SGCD: variants seen among roughly 807,000 people sequenced by gnomAD.
SGCD encodes the protein delta-sarcoglycan.
SGCD carries 18 observed loss-of-function variants against 36.6 expected under a neutral mutation model. The observed-to-expected ratio is 0.49, with a 90% CI of 0.34 to 0.73. The LOEUF (loss-of-function observed/expected upper bound fraction) is 0.73. SGCD is among the 30% of genes least tolerant of loss of function. The pLI, the probability that SGCD is intolerant of heterozygous loss-of-function variation, is 0.01. For synonymous variants in SGCD, 133 were observed against 130.6 expected (o/e 1.02, Z -0.12); for missense variants, 387 against 346.7 (o/e 1.12, Z -0.92).
chr5:156,609,420 A>T (rs1047013830), intron 6 of SGCD, among the ~76,000 whole-genome samples: 2 of 152,138 alleles, frequency 1.3e-5, no homozygotes, highest in African/African-American at 4.8e-5. Context: ...ATCGGCTGTT[A>T]GTCTGATGGG....
chr5:155,930,811 A>T (rs1223560981), intron 1 of SGCD, among the ~76,000 whole-genome samples: 1 of 152,204 alleles, frequency 6.6e-6, no homozygotes, highest in Non-Finnish European at 1.5e-5. Context: ...ACTGTTAAGA[A>T]CCACTAAAAA....
chr5:156,503,052 G>C (rs963104425), intron 3 of SGCD, among the ~76,000 whole-genome samples: 3 of 152,182 alleles, frequency 2.0e-5, no homozygotes, highest in Non-Finnish European at 2.9e-5. Flanking sequence ...ATGGGGATTT[G>C]GCATGTTTGA....
intron 3 of SGCD, among the ~76,000 whole-genome samples, chr5:156,442,607 A>G (rs889994743): frequency 1.3e-5 from 2 of 152,214 alleles, no homozygotes; most frequent in Non-Finnish European, 2.9e-5. Flanking sequence ...AAATATTTCC[A>G]TAGGTTTCCA....
intron 7 of SGCD, among the ~76,000 whole-genome samples, chr5:156,735,616 C>A (rs1385645633): frequency 2.0e-5 from 3 of 152,208 alleles, no homozygotes; most frequent in Non-Finnish European, 4.4e-5. Context: ...TGACAGCCTG[C>A]CCCTCCCCTC....
rs188029055 is a variant in SGCD at position 156,061,701 on chromosome 5, C to T, written c.-281-56177C>T. On this transcript the variant is annotated intron_variant, in intron 1 of 9. Coordinates refer to the SGCD transcript ENST00000517913. ...TTGTTAATTAGGAAGAAATAGAAAA[C>T]TAGGAACAGGAGAAATTTATTCTCA... 6.1e-4 allele frequency among the ~76,000 whole-genome samples: 88 copies of T among 145,402 alleles called. 3 individuals are homozygous for T. Among genetic ancestry groups the T allele is most frequent in the African/African-American group, 2.1e-3 (85 of 40,622 alleles).
intron 3 of SGCD, among the ~76,000 whole-genome samples, chr5:156,188,373 A>C (rs1362932277): frequency 1.3e-5 from 2 of 152,200 alleles, no homozygotes; most frequent in African/African-American, 4.8e-5. Flanking sequence ...TGTGAGAAAA[A>C]TAAAAGTAGA....
At chr5:155,846,184 C>T in the SGCD span, among the ~76,000 whole-genome samples, 3 of 152,104 alleles carry the variant, frequency 2.0e-5, no homozygotes, top group Admixed American at 6.5e-5. Context: ...GAAACCTTAG[C>T]GTATTCGTCT....
intron 2 of SGCD, among the ~76,000 whole-genome samples, chr5:156,344,075 T>C (rs1301976008): frequency 6.6e-6 from 1 of 152,214 alleles, no homozygotes; most frequent in Non-Finnish European, 1.5e-5. Flanking sequence ...ATTGCCTGAA[T>C]AATATTTTTA....
At chr5:155,820,916 C>T in the SGCD span, among the ~76,000 whole-genome samples, 2 of 152,150 alleles carry the variant, frequency 1.3e-5, no homozygotes, top group East Asian at 3.9e-4. Context: ...AGTCTCTGTA[C>T]TTCATAGACC....
intron 7 of SGCD, among the ~76,000 whole-genome samples, chr5:156,755,652 C>T (rs145863874): frequency 6.6e-6 from 1 of 152,156 alleles, no homozygotes; most frequent in Admixed American, 6.5e-5. Context: ...ATGGGCAGAA[C>T]TGCACCTGGT....
intron 3 of SGCD, among the ~76,000 whole-genome samples, chr5:156,398,249 G>A (rs1771968336): frequency 6.6e-6 from 1 of 152,204 alleles, no homozygotes; most frequent in Non-Finnish European, 1.5e-5. Flanking sequence ...AAGAGAAAGT[G>A]CAGTTAAGTT....
At chr5:156,344,465 T>C (rs914545802) in intron 2 of SGCD, 24 bp from the exon 3 acceptor site, 5 of 1,516,744 alleles carry the variant, frequency 3.3e-6, no homozygotes, top group Non-Finnish European at 4.4e-6. Flanking sequence ...TGTGAGTGCT[T>C]CTCTCTTGCC....
chr5:156,508,567 A>G (rs780665059), intron 3 of SGCD, 34 bp from the exon 4 acceptor site: 6 of 1,407,064 alleles, frequency 4.3e-6, no homozygotes, highest in South Asian at 2.3e-5. Context: ...TTGGCTAATC[A>G]TATCTTCCTT....
intron 3 of SGCD, among the ~76,000 whole-genome samples, chr5:156,237,529 G>C (rs1765197231): frequency 6.6e-6 from 1 of 152,120 alleles, no homozygotes; most frequent in Non-Finnish European, 1.5e-5. Flanking sequence ...GCAGGCTGAG[G>C]TGGATGAATC....
chr5:156,018,109 A>G (rs1759024166), intron 1 of SGCD, among the ~76,000 whole-genome samples: 2 of 152,178 alleles, frequency 1.3e-5, no homozygotes, highest in Admixed American at 1.3e-4. Context: ...GCAGTGAACC[A>G]TAATTGCACC....
intron 3 of SGCD, among the ~76,000 whole-genome samples, chr5:156,185,200 TC>T (rs1365974643): frequency 1.4e-5 from 2 of 146,192 alleles, no homozygotes; most frequent in Non-Finnish European, 3.0e-5. Context: ...CGTTTCTCCT[TC>T]CTTTAATTTT....
chr5:156,603,233 T>C (rs1030536018), intron 6 of SGCD, among the ~76,000 whole-genome samples: 1 of 152,142 alleles, frequency 6.6e-6, no homozygotes, highest in Admixed American at 6.5e-5. Context: ...GGTAGATAGA[T>C]ATTCATATAG....
chr5:156,347,512 T>G (rs567308792), intron 3 of SGCD, among the ~76,000 whole-genome samples: 1 of 152,196 alleles, frequency 6.6e-6, no homozygotes, highest in Admixed American at 6.5e-5. Context: ...AGATTTCTGG[T>G]TTTAGGATGG....
chr5:156,470,523 G>A (rs1028833516), intron 3 of SGCD, among the ~76,000 whole-genome samples: 1 of 151,050 alleles, frequency 6.6e-6, no homozygotes, highest in Non-Finnish European at 1.5e-5. Flanking sequence ...TCCCCAGAGT[G>A]TGATGTTCCC....
Sources: gnomAD v4.1 joint callset for allele counts (sites outside exome capture counted in the v4.1 genomes callset) on GRCh38, gnomAD v4.1.1 for gene constraint, MANE v1.5 for transcripts, NCBI Gene and HGNC (gene_info 2026-07-23, HGNC 2026-07-21) for gene names.